Variants in GFPT2 observed in about 807,000 individuals in gnomAD.
GFPT2 encodes glutamine--fructose-6-phosphate transaminase 2, also known as glutamine--fructose-6-phosphate aminotransferase [isomerizing] 2.
A neutral mutation model predicts 85.6 loss-of-function variants in GFPT2; 62 were observed. The ratio of observed to expected loss-of-function variants is 0.72; its 90% CI spans 0.59 to 0.90. GFPT2 has a LOEUF of 0.90. Among genes scored for constraint, GFPT2 ranks in the 40% least tolerant of loss-of-function variants. GFPT2 has a pLI of 0.00. For missense variants in GFPT2, 788 were observed against 893.4 expected (o/e 0.88, Z 1.50); for synonymous variants, 368 against 344.5 (o/e 1.07, Z -0.75).
chr5:180,338,724 A>T, intron 1 of GFPT2, 124 bp from the exon 2 acceptor site: 1 of 612,316 alleles, frequency 1.6e-6, no homozygotes, highest in South Asian at 2.0e-5. Context: ...AGAGGTGGGT[A>T]TGCCCCTCCC....
In GFPT2 at chr5:180,310,832, C is replaced by CAAAAA. The variant is rs3080055; in HGVS notation, c.1546+1593_1546+1597dup. Among the ~76,000 whole-genome samples the CAAAAA allele has an allele frequency of 1.6e-3, 82 of 50,578 alleles. 1 individual carries two copies. Among genetic ancestry groups the CAAAAA allele is most frequent in the East Asian group, 5.5e-3 (8 of 1,448 alleles). The allele number at this position is 50,578 out of a possible 152,430, so 33.2% of individuals were successfully genotyped here. A position where few individuals can be genotyped will look rare whatever the true frequency, so the allele number is the denominator to read the frequency against. On this transcript the variant is annotated intron_variant, in intron 15 of 18. Transcript: ENST00000253778. ...CTGCCTTTGCAAATGTGGACACAGG[C>CAAAAA]AAAAAAAAAAAAAAAAAAAAAAAAA... is the stretch of plus-strand genomic sequence containing the variant.
At chr5:180,337,718 C>G (rs1035981838) in intron 2 of GFPT2, among the ~76,000 whole-genome samples, 1 of 152,120 alleles carries the variant, frequency 6.6e-6, no homozygotes. Flanking sequence ...ATGTCTACAA[C>G]TCGATGAGCT....
At chr5:180,325,205 G>A (rs79279723) in intron 7 of GFPT2, among the ~76,000 whole-genome samples, 305 of 152,264 alleles carry the variant, frequency 2.0e-3, no homozygotes, top group African/African-American at 6.9e-3. Context: ...GTTAGATGGC[G>A]GAGGCTGAGC....
At chr5:180,346,001 G>A (rs569070363) in intron 1 of GFPT2, among the ~76,000 whole-genome samples, 2 of 151,904 alleles carry the variant, frequency 1.3e-5, no homozygotes, top group African/African-American at 4.8e-5. Context: ...CATGCACCAT[G>A]AGGATCCCAG....
At chr5:180,347,247 G>A (rs1454724355) in intron 1 of GFPT2, among the ~76,000 whole-genome samples, 1 of 152,222 alleles carries the variant, frequency 6.6e-6, no homozygotes, top group African/African-American at 2.4e-5. Context: ...AAGAAAAGGA[G>A]CACTTTGCAA....
rs1378451210 is a variant in GFPT2 at position 180,331,481 on chromosome 5, G to A, written c.399+14C>T. On this transcript the variant is annotated intron_variant, in intron 5 of 18. Transcript: ENST00000253778. ...CCCACCGGACTGAGACATCACCTAG[G>A]GGAAGCATCTTACCAGAAATTTCCT... The A allele has an allele frequency of 2.0e-6, 3 of 1,496,678 alleles. No individual in the cohort carries two copies. The highest frequency in any genetic ancestry group is 2.8e-6 in the Non-Finnish European group (3 of 1,072,804). The allele number at this position is 1,496,678 out of a possible 1,614,324, so 92.7% of individuals were successfully genotyped here.
chr5:180,306,854 C>T (rs1763791073), intron 16 of GFPT2, among the ~76,000 whole-genome samples: 1 of 152,192 alleles, frequency 6.6e-6, no homozygotes. Context: ...TCAGAAGCAG[C>T]TCATGAGGTC....
chr5:180,350,722 C>T (rs1250445661), intron 1 of GFPT2, among the ~76,000 whole-genome samples: 1 of 152,200 alleles, frequency 6.6e-6, no homozygotes, highest in African/African-American at 2.4e-5. Flanking sequence ...GTCAATAAAA[C>T]CAAAGTGTCA....
chr5:180,336,491 C>T lies in GFPT2; in HGVS notation c.202G>A (p.Glu68Lys). The part of the protein sequence containing the change: ...KKRGKVKALD[E>K]ELYKQDSMDL... ...GTCCTCCACTTACTGTAAAGTTCTT[C>T]ATCGAGAGCCTTGACTTTCCCCCTT... The change falls in exon 3 of 19, where the codon GAA becomes AAA. Residue 68 changes from glutamate (E) to lysine (K), a missense_variant. By Grantham distance (56) the Glu-to-Lys change is moderately conservative. Coordinates refer to ENST00000253778, the MANE Select transcript of GFPT2 (RefSeq NM_005110.4). 6.3e-7 allele frequency: 1 copy of T among 1,594,240 alleles called. No individual in the cohort carries two copies.
chr5:180,318,888 C>T lies in GFPT2; in HGVS notation c.863G>A (p.Gly288Glu). Residue 288 changes from glycine (G) to glutamate (E), a missense_variant, in exon 10 of 19, where the codon GGG (glycine) becomes GAG (glutamate). Coordinates refer to ENST00000253778, the MANE Select transcript of GFPT2 (RefSeq NM_005110.4). This position sits in a 1 kb window ranked among gnomAD's most constrained non-coding sequence, Gnocchi z 4.2. The part of the protein sequence containing the change: ...EDDDIAAVAD[G>E]KLSIHRVKRS... ...CTTGACCCGGTGAATGGAGAGTTTCCCATCAGCCACTGCGGCGATGTCATC... is the reference window on the plus strand; with the variant it reads ...CTTGACCCGGTGAATGGAGAGTTTCTCATCAGCCACTGCGGCGATGTCATC... 1 of 1,613,922 alleles carries T rather than the reference C, an allele frequency of 6.2e-7. No homozygotes were observed. The highest frequency in any genetic ancestry group is 1.1e-5 in the South Asian group (1 of 91,086).
At chr5:180,352,673 G>A (rs1764737061) in intron 1 of GFPT2, 12 of 438,744 alleles carry the variant, frequency 2.7e-5, no homozygotes, top group Non-Finnish European at 5.0e-5. Context: ...TCGCGAGGAG[G>A]ACGCGCAGGC....
chr5:180,312,599 T>G, intron 14 of GFPT2, 55 bp from the exon 15 acceptor site: 1 of 956,008 alleles, frequency 1.0e-6, no homozygotes, highest in Non-Finnish European at 1.7e-6. Flanking sequence ...TAAATCAACT[T>G]TTATTTTTGA....
chr5:180,343,418 G>C (rs1437801031), intron 1 of GFPT2, among the ~76,000 whole-genome samples: 2 of 152,228 alleles, frequency 1.3e-5, no homozygotes, highest in African/African-American at 4.8e-5. Flanking sequence ...AGGAGGCCCG[G>C]TGCCCACTCA....
Position 180,304,853 on chromosome 5 carries a change from C to T in GFPT2, c.1761G>A (p.Gln587=). The T allele has an allele frequency of 6.2e-7, 1 of 1,613,444 alleles. No individual in the cohort carries two copies. The highest frequency in any genetic ancestry group is 8.5e-7 in the Non-Finnish European group (1 of 1,179,328). ...KHGPLALIDK[Q]MPVIMVIMKD... ...TCATAATGACCATGATGACGGGCAT[C>T]TGCTTGTCAATCAGTGCCAGGGGCC... The change falls in exon 17 of 19, where the codon CAG becomes CAA. Residue 587 remains glutamine, a synonymous_variant. Coordinates refer to ENST00000253778, the MANE Select transcript of GFPT2 (RefSeq NM_005110.4).
rs1345106947 is a variant in GFPT2 at position 180,318,379 on chromosome 5, T to G, written c.958+414A>C. 6.6e-6 allele frequency among the ~76,000 whole-genome samples: 1 copy of G among 152,082 alleles called. No individual in the cohort carries two copies. Among genetic ancestry groups the G allele is most frequent in the Non-Finnish European group, 1.5e-5 (1 of 68,008 alleles). ...TCAGGCTGCCCTGTGGGGTAGAGGT[T>G]GTAAGGGGACAGAAATGGGTGCAGA... On this transcript the variant is annotated intron_variant, in intron 10 of 18. Coordinates refer to ENST00000253778, the MANE Select transcript of GFPT2 (RefSeq NM_005110.4). The surrounding 1 kb of genome is among the most constrained non-coding windows in gnomAD (Gnocchi z 4.2).
rs1284403797 is a variant in GFPT2 at position 180,335,829 on chromosome 5, G to A, written c.339C>T (p.Asn113=). ...NSHPQRSDKG[N]EFVVIHNGII... ...GGGACGGGGAAGCATGCCACATACC[G>A]TTGCCTTTGTCTGAGCGCTGAGGGT... is the stretch of plus-strand genomic sequence containing the variant. The change falls in exon 4 of 19, where the codon AAC becomes AAT. Residue 113 remains asparagine, a splice_region_variant and synonymous_variant. Coordinates refer to ENST00000253778, the MANE Select transcript of GFPT2 (RefSeq NM_005110.4). The A allele has an allele frequency of 6.2e-6, 10 of 1,601,062 alleles. No homozygotes were observed. Among genetic ancestry groups the A allele is most frequent in the East Asian group, 2.3e-5 (1 of 43,362 alleles).
At chr5:180,303,404 C>T (rs1408328552) in intron 17 of GFPT2, among the ~76,000 whole-genome samples, 1 of 152,186 alleles carries the variant, frequency 6.6e-6, no homozygotes, top group Non-Finnish European at 1.5e-5. Flanking sequence ...GAAGGGCATT[C>T]CAGACAGCAG....
intron 4 of GFPT2, among the ~76,000 whole-genome samples, chr5:180,334,876 G>A (rs1226697857): frequency 2.0e-5 from 3 of 152,202 alleles, no homozygotes; most frequent in African/African-American, 4.8e-5. Context: ...CAGGGGACCC[G>A]GCGCCCTGGG....
chr5:180,336,307 T>A, intron 3 of GFPT2, 172 bp downstream of exon 3: 1 of 647,694 alleles, frequency 1.5e-6, no homozygotes, highest in Non-Finnish European at 2.8e-6. Context: ...CCACCTAAAA[T>A]AAACCATCCC....
Sources: allele counts gnomAD v4.1 joint callset (sites outside exome capture counted in the v4.1 genomes callset), GRCh38; gene constraint gnomAD v4.1.1; non-coding constraint Gnocchi (gnomAD v3.1); transcripts MANE v1.5; gene names NCBI Gene and HGNC (gene_info 2026-07-23, HGNC 2026-07-21).